The following DAB1 variants were observed in gnomAD, a reference collection of about 807,000 sequenced individuals.
The protein encoded by DAB1 is disabled homolog 1.
Under a neutral mutation model 64.6 loss-of-function variants are expected in DAB1, and 15 were observed. That is an observed-to-expected ratio of 0.23 (90% confidence interval 0.16 to 0.36). The LOEUF (loss-of-function observed/expected upper bound fraction) is 0.36, where lower values mean the gene tolerates loss of function less well. Among genes scored for constraint, DAB1 ranks in the 10% least tolerant of loss-of-function variants. The pLI is 1.00. For synonymous variants in DAB1, 235 were observed against 251.9 expected, an observed-to-expected ratio of 0.93 and a Z score of 0.64; for missense variants, 596 against 706.7, an observed-to-expected ratio of 0.84 and a Z score of 1.78.
At chr1:57,701,327 G>A (rs1646905535) in intron 6 of DAB1, among the ~76,000 whole-genome samples, 1 of 152,110 alleles carries the variant, frequency 6.6e-6, no homozygotes, top group African/African-American at 2.4e-5. Flanking sequence ...ATGATAGACT[G>A]GATTAAGAAA....
chr1:58,505,029 T>A (rs559558428), intron 3 of DAB1, among the ~76,000 whole-genome samples: 1 of 152,226 alleles, frequency 6.6e-6, no homozygotes, highest in Admixed American at 6.5e-5. Flanking sequence ...CTCGGCTCAC[T>A]ACAACTTCTG....
chr1:57,541,638 GA>G (rs1644804620), intron 7 of DAB1, among the ~76,000 whole-genome samples: 1 of 152,094 alleles, frequency 6.6e-6, no homozygotes, highest in Non-Finnish European at 1.5e-5. Context: ...TTTTATCAGG[GA>G]AAGAAGATGT....
At chr1:57,941,065 T>C (rs538518949) in intron 5 of DAB1, among the ~76,000 whole-genome samples, 1 of 152,358 alleles carries the variant, frequency 6.6e-6, no homozygotes, top group East Asian at 1.9e-4. Context: ...TGAATATTCA[T>C]GAGTCTGGAG....
chr1:57,479,340 T>A (rs961829276), intron 7 of DAB1, among the ~76,000 whole-genome samples: 6 of 151,690 alleles, frequency 4.0e-5, no homozygotes, highest in Non-Finnish European at 7.4e-5. Context: ...TGCTGGTCGG[T>A]GGGACATAAT....
At chr1:57,666,992 C>G (rs1646456617) in intron 6 of DAB1, among the ~76,000 whole-genome samples, 1 of 152,056 alleles carries the variant, frequency 6.6e-6, no homozygotes, top group Non-Finnish European at 1.5e-5. Flanking sequence ...GGCTACCTCC[C>G]TAACTTCATG....
intron 6 of DAB1, among the ~76,000 whole-genome samples, chr1:57,730,755 A>C (rs147842222): frequency 1.2e-3 from 181 of 152,348 alleles, no homozygotes; most frequent in African/African-American, 4.1e-3. Flanking sequence ...CAGATAGATG[A>C]ATAAAAGACT....
chr1:57,449,947 T>C (rs531600792), intron 7 of DAB1, among the ~76,000 whole-genome samples: 1 of 152,360 alleles, frequency 6.6e-6, no homozygotes, highest in South Asian at 2.1e-4. Flanking sequence ...ACTGGTGATA[T>C]AATAGCTAAC....
chr1:58,160,530 A>G (rs898254388), intron 4 of DAB1, among the ~76,000 whole-genome samples: 10 of 152,158 alleles, frequency 6.6e-5, no homozygotes, highest in Non-Finnish European at 1.2e-4. Flanking sequence ...CTGAGTTGCA[A>G]TTCCTATGGG....
intron 5 of DAB1, among the ~76,000 whole-genome samples, chr1:57,906,756 C>G (rs530125807): frequency 2.2e-4 from 34 of 152,110 alleles, no homozygotes; most frequent in Admixed American, 1.6e-3. Flanking sequence ...CCAGGTTCCT[C>G]TTCCCTAAAC....
chr1:57,561,083 T>C (rs1645045154), intron 7 of DAB1, among the ~76,000 whole-genome samples: 1 of 152,140 alleles, frequency 6.6e-6, no homozygotes, highest in South Asian at 2.1e-4. Flanking sequence ...ACAAGTAAGT[T>C]ACATGAGGAA....
chr1:57,053,931 C>T (rs1649481516), intron 9 of DAB1, among the ~76,000 whole-genome samples: 1 of 151,936 alleles, frequency 6.6e-6, no homozygotes, highest in Admixed American at 6.6e-5. Flanking sequence ...AGGTGATCCA[C>T]CCACCTTGGC....
At chr1:58,411,618 T>C (rs900029536) in intron 3 of DAB1, among the ~76,000 whole-genome samples, 3 of 152,060 alleles carry the variant, frequency 2.0e-5, no homozygotes, top group African/African-American at 7.3e-5. Flanking sequence ...TATGAGGAAA[T>C]GGAATTGCAG....
intron 7 of DAB1, among the ~76,000 whole-genome samples, chr1:57,537,043 A>G (rs186399766): frequency 3.5e-4 from 54 of 152,386 alleles, no homozygotes; most frequent in Non-Finnish European, 1.5e-4. Flanking sequence ...AAAAATGAGA[A>G]TATAAAAAAG....
intron 5 of DAB1, among the ~76,000 whole-genome samples, chr1:57,938,592 T>A (rs1297159305): frequency 1.3e-5 from 2 of 152,182 alleles, no homozygotes; most frequent in African/African-American, 4.8e-5. Flanking sequence ...CCTGCCATGA[T>A]TGTAAGTTTC....
chr1:57,223,769 G>T (rs1248419788), intron 2 of DAB1, among the ~76,000 whole-genome samples: 1 of 152,138 alleles, frequency 6.6e-6, no homozygotes, highest in Non-Finnish European at 1.5e-5. Flanking sequence ...AACTCAGGTG[G>T]TCAATATGCC....
At chr1:58,224,770 G>A (rs1659370208) in intron 4 of DAB1, among the ~76,000 whole-genome samples, 1 of 152,128 alleles carries the variant, frequency 6.6e-6, no homozygotes, top group Admixed American at 6.5e-5. Context: ...GTAGAAAGCT[G>A]AAACTGGATC....
At chr1:58,028,204 C>A (rs1646922642) in intron 5 of DAB1, among the ~76,000 whole-genome samples, 1 of 152,182 alleles carries the variant, frequency 6.6e-6, no homozygotes, top group African/African-American at 2.4e-5. Flanking sequence ...AAATACCGAA[C>A]CATTGCTCCT....
In DAB1 at chr1:57,189,452, T is replaced by G. The variant is rs138063282; in HGVS notation, c.68-44023A>C. 5.6e-3 allele frequency among the ~76,000 whole-genome samples: 857 copies of G among 152,220 alleles called. 7 individuals carry two copies. The highest frequency in any genetic ancestry group is 0.02 in the African/African-American group (824 of 41,538). On this transcript the variant is annotated intron_variant, in intron 2 of 14. Transcript: ENST00000371236. ...CCCTCCCTAATCCAAAAATAATTAGTGGATAACAGACCCTGGCTTGCTGAG... is the reference window on the plus strand; with the variant it reads ...CCCTCCCTAATCCAAAAATAATTAGGGGATAACAGACCCTGGCTTGCTGAG...
chr1:58,153,735 C>A (rs1025287352), intron 4 of DAB1, among the ~76,000 whole-genome samples: 7 of 151,500 alleles, frequency 4.6e-5, no homozygotes, highest in Non-Finnish European at 4.4e-5. Flanking sequence ...CAAAAAGAAT[C>A]TGCTTCTTAC....
Sources: allele counts gnomAD v4.1 joint callset (sites outside exome capture counted in the v4.1 genomes callset), GRCh38; gene constraint gnomAD v4.1.1; transcripts MANE v1.5; gene names NCBI Gene and HGNC (gene_info 2026-07-23, HGNC 2026-07-21).